Variants in ABCC4 observed in about 807,000 individuals in gnomAD.
The protein encoded by ABCC4 is ATP-binding cassette sub-family C member 4.
In ABCC4, 102 loss-of-function variants were observed where a neutral mutation model predicts 168.5. The observed-to-expected ratio is 0.61, with a 90% CI of 0.52 to 0.71. The LOEUF (loss-of-function observed/expected upper bound fraction) is 0.71. Ranked by LOEUF, ABCC4 falls within the 30% of genes least tolerant of loss-of-function variation. The probability of loss-of-function intolerance (pLI) is 0.00; values close to 1 mark genes in which losing one functional copy is unlikely to be tolerated. For missense variants in ABCC4, 1,402 were observed against 1,605.8 expected (o/e 0.87, Z 2.17); for synonymous variants, 617 against 590.7 (o/e 1.04, Z -0.65).
At chr13:95,029,681 G>A (rs548182947) in intron 30 of ABCC4, among the ~76,000 whole-genome samples, 1 of 152,240 alleles carries the variant, frequency 6.6e-6, no homozygotes, top group South Asian at 2.1e-4. Context: ...CTATTATTGG[G>A]AGCTAAGAGT....
intron 19 of ABCC4, among the ~76,000 whole-genome samples, chr13:95,116,285 G>GT (rs2139413321): frequency 6.6e-6 from 1 of 152,256 alleles, no homozygotes; most frequent in South Asian, 2.1e-4. Context: ...GGGTTGGTGG[G>GT]TTCTAGAATG....
intron 30 of ABCC4, among the ~76,000 whole-genome samples, chr13:95,025,293 A>C (rs1249963528): frequency 1.5e-4 from 3 of 19,878 alleles, no homozygotes; most frequent in African/African-American, 3.0e-4. Context: ...CCCCACACAC[A>C]CCCACATACG....
At chr13:95,168,906 A>C (rs2037375627) in intron 14 of ABCC4, among the ~76,000 whole-genome samples, 1 of 152,094 alleles carries the variant, frequency 6.6e-6, no homozygotes, top group Non-Finnish European at 1.5e-5. Flanking sequence ...TTTTTTTTCA[A>C]AACTGGATTT....
At chr13:95,204,170 T>C (rs2038714974) in intron 8 of ABCC4, among the ~76,000 whole-genome samples, 1 of 152,152 alleles carries the variant, frequency 6.6e-6, no homozygotes, top group Non-Finnish European at 1.5e-5. Context: ...AGACGAGTCA[T>C]GTGCTGGGAA....
At chr13:95,276,146 G>A (rs920344511) in intron 1 of ABCC4, among the ~76,000 whole-genome samples, 1 of 152,142 alleles carries the variant, frequency 6.6e-6, no homozygotes, top group African/African-American at 2.4e-5. Context: ...GAGCACAATG[G>A]TTCATGCCTA....
In ABCC4 at chr13:95,188,541, G is replaced by A. The variant is rs1286366749; in HGVS notation, c.1265C>T (p.Ala422Val). The A allele has an allele frequency of 3.1e-6, 5 of 1,606,062 alleles. No homozygotes were observed. Among genetic ancestry groups the A allele is most frequent in the African/African-American group, 2.7e-5 (2 of 74,646 alleles). Residue 422 changes from alanine (A) to valine (V), a missense_variant and splice_region_variant, in exon 10 of 31, where the codon GCA becomes GTA. Around this residue, in one of 3 missense-constraint regions of ABCC4, gnomAD observed 1,007 missense variants for 1,127.3 expected, o/e 0.89. Coordinates refer to ENST00000645237, the MANE Select transcript of ABCC4 (RefSeq NM_005845.5). ...GCCTTGTAGAGTTGGGGTCTCTGAT[G>A]CCTACAAATTAAAGTTTATAAAATG... ...VQDFTAFWDK[A>V]SETPTLQGLS...
chr13:95,286,920 C>T (rs985321515), intron 1 of ABCC4, among the ~76,000 whole-genome samples: 1 of 143,720 alleles, frequency 7.0e-6, no homozygotes, highest in Non-Finnish European at 1.5e-5. Context: ...CATGCCATTG[C>T]ACTCTAGCCT....
chr13:95,274,982 C>A (rs2040938377), intron 1 of ABCC4, among the ~76,000 whole-genome samples: 1 of 152,172 alleles, frequency 6.6e-6, no homozygotes, highest in African/African-American at 2.4e-5. Context: ...GAGGCTGAAG[C>A]AGGATAATCA....
At position 95,206,574 on chromosome 13, in the gene ABCC4, A is replaced by C; in HGVS notation, c.1119T>G (p.Ile373Met). 1 of 1,614,128 alleles carries C rather than the reference A, an allele frequency of 6.2e-7. No homozygotes were observed. Among genetic ancestry groups the C allele is most frequent in the Non-Finnish European group, 8.5e-7 (1 of 1,180,012 alleles). The stretch of plus-strand genomic sequence containing the variant: ...TGACGATTGCCTCTGACACCCTCTC[A>C]ATGGCTGAGGGGAAGAAGAGGGTAA... ...LTVTLFFPSAIERVSEAIVSI... is the reference protein window; with the variant it reads ...LTVTLFFPSAMERVSEAIVSI... The change falls in exon 8 of 31, where the codon ATT (isoleucine) becomes ATG (methionine). Residue 373 changes from isoleucine (I) to methionine (M), a missense_variant. Physicochemically the swap from Ile to Met is conservative, Grantham distance 10. Around this residue, in one of 3 missense-constraint regions of ABCC4, gnomAD observed 78 missense variants for 133.0 expected, o/e 0.59. Transcript: ENST00000645237.
At chr13:95,215,247 T>C (rs2039077852) in intron 4 of ABCC4, among the ~76,000 whole-genome samples, 4 of 151,872 alleles carry the variant, frequency 2.6e-5, no homozygotes, top group South Asian at 2.1e-4. Flanking sequence ...ACAAAAAATA[T>C]AACAATTCTC....
chr13:95,096,213 C>G, intron 20 of ABCC4: 1 of 626,152 alleles, frequency 1.6e-6, no homozygotes, highest in East Asian at 3.0e-5. Flanking sequence ...ATTCAATGGG[C>G]TGGCAGCAGA....
At chr13:95,112,287 A>C (rs1029285295) in intron 20 of ABCC4, among the ~76,000 whole-genome samples, 1 of 151,936 alleles carries the variant, frequency 6.6e-6, no homozygotes, top group African/African-American at 2.4e-5. Flanking sequence ...TGGGGGGCAA[A>C]GGTTGCAGTG....
intron 19 of ABCC4, among the ~76,000 whole-genome samples, chr13:95,149,446 C>G (rs186824066): frequency 6.6e-6 from 1 of 152,172 alleles, no homozygotes; most frequent in Admixed American, 6.5e-5. Flanking sequence ...GATGTCACTA[C>G]CATTTTATTC....
chr13:95,158,056 A>T (rs7332335), intron 19 of ABCC4, among the ~76,000 whole-genome samples: 24,669 of 148,064 alleles, frequency 0.17, 2,255 homozygotes, highest in African/African-American at 0.24. Context: ...TGGGTGACAG[A>T]GCAAGACTCC....
intron 30 of ABCC4, among the ~76,000 whole-genome samples, chr13:95,025,177 ACCCACACACACCCACACCACACACC>A (rs2031347401): frequency 7.4e-6 from 1 of 134,824 alleles, no homozygotes; most frequent in African/African-American, 3.0e-5. Context: ...ACACACACAC[ACCCACACACACCCACACCACACACC>A]CCCACACCCC....
At chr13:95,077,162 C>G (rs923347364) in intron 21 of ABCC4, among the ~76,000 whole-genome samples, 2 of 152,174 alleles carry the variant, frequency 1.3e-5, no homozygotes, top group African/African-American at 2.4e-5. Flanking sequence ...TGAGGCCATA[C>G]TGGGGCAGGT....
intron 19 of ABCC4, among the ~76,000 whole-genome samples, chr13:95,124,713 GAA>G: frequency 1.7e-5 from 1 of 59,218 alleles, no homozygotes; most frequent in African/African-American, 8.1e-5. Flanking sequence ...TACTAAAAAC[GAA>G]AAAAAAAAAA....
At chr13:95,122,562 G>A (rs2035608740) in intron 19 of ABCC4, among the ~76,000 whole-genome samples, 1 of 152,168 alleles carries the variant, frequency 6.6e-6, no homozygotes, top group Non-Finnish European at 1.5e-5. Context: ...AGAGGTAGAA[G>A]AGAGGTCTCT....
intron 19 of ABCC4, among the ~76,000 whole-genome samples, chr13:95,126,196 ACTGTCGTTTGCG>A (rs1427555197): frequency 6.6e-6 from 1 of 152,124 alleles, no homozygotes; most frequent in Non-Finnish European, 1.5e-5. Flanking sequence ...GTATCCTGTC[ACTGTCGTTTGCG>A]GCTAAATGCT....
Sources: allele counts gnomAD v4.1 joint callset (sites outside exome capture counted in the v4.1 genomes callset), GRCh38; gene constraint gnomAD v4.1.1; regional missense constraint gnomAD v4.1.1; transcripts MANE v1.5; gene names NCBI Gene and HGNC (gene_info 2026-07-23, HGNC 2026-07-21).